Variants in A4GALT observed in about 807,000 individuals in gnomAD.
The protein encoded by A4GALT is alpha 1,4-galactosyltransferase (P1PK blood group).
For missense variants in A4GALT, 512 were observed against 486.0 expected (o/e 1.05, Z -0.50); for synonymous variants, 257 against 220.7 (o/e 1.16, Z -1.46).
intron 1 of A4GALT, among the ~76,000 whole-genome samples, chr22:42,710,121 C>G (rs1475157955): frequency 6.6e-6 from 1 of 152,178 alleles, no homozygotes; most frequent in East Asian, 1.9e-4. Flanking sequence ...GACACAGATG[C>G]TGCCACCACC....
In A4GALT at chr22:42,692,280, C is replaced by T. The variant is rs1021185517; in HGVS notation, c.*610G>A. ...CAGAGCATACACGCCCCCCTGGCAT[C>T]TCTGGAGAGGAAGAAGGATGGGGTG... is the stretch of plus-strand genomic sequence containing the variant. On this transcript the variant is annotated 3_prime_UTR_variant, in exon 3 of 3. Coordinates refer to ENST00000642412, the MANE Select transcript of A4GALT (RefSeq NM_017436.7). The surrounding 1 kb of genome is among the most constrained non-coding windows in gnomAD (Gnocchi z 4.6). 3.2e-5 allele frequency: 8 copies of T among 247,398 alleles called. No individual in the cohort carries two copies. Among genetic ancestry groups the T allele is most frequent in the African/African-American group, 1.6e-4 (7 of 44,536 alleles). 15.3% of individuals were successfully genotyped at this position (247,398 alleles called of 1,614,324 possible).
intron 1 of A4GALT, among the ~76,000 whole-genome samples, chr22:42,699,380 C>T (rs897600711): frequency 5.9e-5 from 9 of 152,172 alleles, no homozygotes; most frequent in Admixed American, 2.0e-4. Context: ...ACACTGCGCC[C>T]GGCTCCTTTA....
intron 1 of A4GALT, among the ~76,000 whole-genome samples, chr22:42,706,706 G>A (rs1022486639): frequency 1.3e-5 from 2 of 151,100 alleles, no homozygotes; most frequent in Non-Finnish European, 2.9e-5. Flanking sequence ...GAGACAGGAG[G>A]ATTACTTGAA....
chr22:42,699,658 C>T (rs1931169345), intron 1 of A4GALT, among the ~76,000 whole-genome samples: 1 of 152,156 alleles, frequency 6.6e-6, no homozygotes, highest in African/African-American at 2.4e-5. Context: ...GCTGTCATTG[C>T]CACAGGGGCC....
chr22:42,692,837 G>A lies in A4GALT; in HGVS notation c.*53C>T, dbSNP rs770030907. On this transcript the variant is annotated 3_prime_UTR_variant, in exon 3 of 3. Transcript: ENST00000642412. This position sits in a 1 kb window ranked among gnomAD's most constrained non-coding sequence, Gnocchi z 4.6. ...CCCTCAATCTTGCCTCCCCGGGAAG[G>A]GCGGCCCAGTGCCCCATCAGGAGCA... The A allele has an allele frequency of 3.0e-5, 48 of 1,592,642 alleles. No individual in the cohort carries two copies. Among genetic ancestry groups the A allele is most frequent in the Non-Finnish European group, 4.1e-5 (48 of 1,175,088 alleles).
At chr22:42,700,371 G>C (rs574473582) in intron 1 of A4GALT, among the ~76,000 whole-genome samples, 1 of 152,316 alleles carries the variant, frequency 6.6e-6, no homozygotes, top group African/African-American at 2.4e-5. Context: ...GTCTCAACAA[G>C]AGGGCCCAGG....
rs781617781 is a variant in A4GALT at position 42,693,618 on chromosome 22, C to T, written c.334G>A (p.Val112Ile). 1 of 1,613,656 alleles carries T rather than the reference C, an allele frequency of 6.2e-7. No individual in the cohort carries two copies. The highest frequency in any genetic ancestry group is 1.1e-5 in the South Asian group (1 of 91,068). Residue 112 changes from valine (V) to isoleucine (I), a missense_variant, in exon 3 of 3, where the codon GTC becomes ATC. Physicochemically the swap from Val to Ile is conservative, Grantham distance 29. Coordinates refer to ENST00000642412, the MANE Select transcript of A4GALT (RefSeq NM_017436.7). The part of the protein sequence containing the change: ...ARTHPESHVL[V>I]LMKGLPGGNA... The stretch of plus-strand genomic sequence containing the variant: ...CCACCCGGAAGCCCTTTCATCAGGA[C>T]CAGCACGTGGGATTCGGGGTGAGTT...
At chr22:42,704,248 C>A (rs1047209566) in intron 1 of A4GALT, among the ~76,000 whole-genome samples, 3 of 152,066 alleles carry the variant, frequency 2.0e-5, no homozygotes, top group African/African-American at 7.2e-5. Context: ...TTTGGGAGGC[C>A]AAGGTGGGCA....
At chr22:42,698,659 T>C (rs1475455349) in intron 1 of A4GALT, among the ~76,000 whole-genome samples, 1 of 152,038 alleles carries the variant, frequency 6.6e-6, no homozygotes, top group East Asian at 1.9e-4. Flanking sequence ...GGCAAAGGTG[T>C]CAGAGGCGTG....
At chr22:42,717,880 C>T (rs1288616434) in intron 1 of A4GALT, among the ~76,000 whole-genome samples, 2 of 152,144 alleles carry the variant, frequency 1.3e-5, no homozygotes, top group East Asian at 3.8e-4. Flanking sequence ...TCAAACCAAT[C>T]AATAAGCAAC....
chr22:42,706,140 G>A (rs1414809437), intron 1 of A4GALT, among the ~76,000 whole-genome samples: 1 of 118,982 alleles, frequency 8.4e-6, no homozygotes, highest in African/African-American at 2.7e-5. Flanking sequence ...CGGATCACGA[G>A]GTCAGGAGAT....
At chr22:42,719,744 T>C (rs573822996) in intron 1 of A4GALT, among the ~76,000 whole-genome samples, 7 of 152,190 alleles carry the variant, frequency 4.6e-5, no homozygotes, top group Admixed American at 2.6e-4. Context: ...GGGAAGTCTT[T>C]GGGCAGCTGG....
At position 42,708,421 on chromosome 22, in the gene A4GALT, C is replaced by A. The variant is rs542637206; in HGVS notation, c.-188+12376G>T. 4.0e-5 allele frequency among the ~76,000 whole-genome samples: 6 copies of A among 151,824 alleles called. No individual in the cohort carries two copies. The East Asian group carries it at 9.6e-4, about 24-fold the overall frequency. On this transcript the variant is annotated intron_variant, in intron 1 of 2. Coordinates refer to ENST00000642412, the MANE Select transcript of A4GALT (RefSeq NM_017436.7). ...AGCCAGGTGTGGTGGTGTGTACCTG[C>A]AGTGCCAGCTACTCAGGAGGATCAC...
At chr22:42,694,118 C>A in intron 2 of A4GALT, 121 bp from the exon 3 acceptor site, 1 of 657,430 alleles carries the variant, frequency 1.5e-6, no homozygotes, top group Non-Finnish European at 2.6e-6. Flanking sequence ...GGCTCCTGGG[C>A]CCACAGGGGC....
rs1379134298 is a variant in A4GALT, at chr22:42,693,314, C to T, written c.638G>A (p.Arg213His). 5 of 1,613,098 alleles carry T rather than the reference C, an allele frequency of 3.1e-6. No individual in the cohort carries two copies. Among genetic ancestry groups the T allele is most frequent in the East Asian group, 2.2e-5 (1 of 44,874 alleles). The change falls in exon 3 of 3, where the codon CGC (arginine) becomes CAC (histidine). Residue 213 changes from arginine to histidine, a missense_variant. Transcript: ENST00000642412. ...NLTNVLGTQS[R>H]YVLNGAFLAF... ...CAGGAACGCGCCGTTGAGGACGTAG[C>T]GGGACTGGGTGCCCAGCACGTTGGT...
rs1281424801 is a variant in A4GALT, at chr22:42,692,590, G to A, written c.*300C>T. Reference sequence around the variant, plus strand: ...CTCTGTCCCAACTGCCTGGCTTTCCGCACCACCTGGGGGTGCCCTGAGGTT... The same window carrying A: ...CTCTGTCCCAACTGCCTGGCTTTCCACACCACCTGGGGGTGCCCTGAGGTT... On this transcript the variant is annotated 3_prime_UTR_variant, in exon 3 of 3. Coordinates refer to ENST00000642412, the MANE Select transcript of A4GALT (RefSeq NM_017436.7). The surrounding 1 kb of genome is among the most constrained non-coding windows in gnomAD (Gnocchi z 4.6). 12 of 534,722 alleles carry A rather than the reference G, an allele frequency of 2.2e-5. No homozygotes were observed. Among genetic ancestry groups the A allele is most frequent in the Middle Eastern group, 2.8e-4 (1 of 3,536 alleles). 33.1% of individuals were successfully genotyped at this position (534,722 alleles called of 1,614,324 possible).
chr22:42,713,404 C>T (rs527262026), intron 1 of A4GALT, among the ~76,000 whole-genome samples: 26 of 152,206 alleles, frequency 1.7e-4, no homozygotes, highest in Non-Finnish European at 3.2e-4. Context: ...GCCTGGGCGC[C>T]AATGTTGTGG....
At chr22:42,720,692 C>G (rs1922647248) in intron 1 of A4GALT, 105 bp downstream of exon 1, 2 of 152,198 alleles carry the variant, frequency 1.3e-5, no homozygotes, top group South Asian at 2.0e-4. Flanking sequence ...CGGCCCAGCC[C>G]CTCCGCCCCT....
intron 1 of A4GALT, among the ~76,000 whole-genome samples, chr22:42,718,841 T>C (rs1215001045): frequency 6.6e-6 from 1 of 152,076 alleles, no homozygotes; most frequent in Non-Finnish European, 1.5e-5. Context: ...GCCTAGCAGG[T>C]CCCCAAAGAA....
Sources: allele counts gnomAD v4.1 joint callset (sites outside exome capture counted in the v4.1 genomes callset), GRCh38; gene constraint gnomAD v4.1.1; non-coding constraint Gnocchi (gnomAD v3.1); transcripts MANE v1.5; gene names NCBI Gene and HGNC (gene_info 2026-07-23, HGNC 2026-07-21).